RAB28: variants seen among roughly 807,000 people sequenced by gnomAD.
The protein encoded by RAB28 is RAB28, member RAS oncogene family.
RAB28 carries 24 observed loss-of-function variants against 31.7 expected under a neutral mutation model. That is an observed-to-expected ratio of 0.76 (90% CI 0.55 to 1.06). RAB28 has a LOEUF of 1.06. Ranked by LOEUF, RAB28 falls within the 50% of genes least tolerant of loss-of-function variation. RAB28 has a pLI of 0.00. For synonymous variants in RAB28, 100 were observed against 90.4 expected (o/e 1.11, Z -0.60); for missense variants, 254 against 258.5 (o/e 0.98, Z 0.12).
At chr4:13,410,114 G>T (rs955855254) in intron 4 of RAB28, among the ~76,000 whole-genome samples, 2 of 152,104 alleles carry the variant, frequency 1.3e-5, no homozygotes, top group African/African-American at 4.8e-5. Context: ...ATGATTTTAA[G>T]TTCCCTGAGA....
intron 4 of RAB28, among the ~76,000 whole-genome samples, chr4:13,400,000 T>C (rs768798945): frequency 2.2e-4 from 33 of 152,356 alleles, no homozygotes; most frequent in Non-Finnish European, 4.0e-4. Flanking sequence ...TGTAAAGTTG[T>C]GCCATTAACA....
At chr4:13,406,163 C>T (rs761886417) in intron 4 of RAB28, among the ~76,000 whole-genome samples, 4 of 152,104 alleles carry the variant, frequency 2.6e-5, no homozygotes, top group East Asian at 1.9e-4. Flanking sequence ...CCCCCCACCC[C>T]GCTACAGGCC....
At chr4:13,457,279 C>T (rs1715347659) in intron 4 of RAB28, among the ~76,000 whole-genome samples, 1 of 151,908 alleles carries the variant, frequency 6.6e-6, no homozygotes, top group African/African-American at 2.4e-5. Context: ...TAATTATATC[C>T]CTCCCAAAAG....
chr4:13,406,176 G>A lies in RAB28; in HGVS notation c.392-24582C>T, dbSNP rs556873049. Among the ~76,000 whole-genome samples, 76 of 152,042 alleles carry A rather than the reference G, an allele frequency of 5.0e-4. 1 individual carries two copies. The South Asian group carries it at 0.011, about 23-fold the overall frequency. ...AGCCCCCCACCCCGCTACAGGCCCC[G>A]GTGTGTGATGTTCCCCTCCCTGTGT... is the stretch of plus-strand genomic sequence containing the variant. On this transcript the variant is annotated intron_variant, in intron 4 of 6. Coordinates refer to ENST00000330852, the MANE Select transcript of RAB28 (RefSeq NM_001017979.3).
chr4:13,379,969 A>T (rs1729062876), intron 5 of RAB28, among the ~76,000 whole-genome samples: 1 of 152,148 alleles, frequency 6.6e-6, no homozygotes, highest in Non-Finnish European at 1.5e-5. Context: ...AGCAAACAAA[A>T]AACACTAAGT....
rs1011281100 is a variant in RAB28, at chr4:13,459,991, C to T, written c.391+708G>A. The T allele has an allele frequency of 3.7e-5, 38 of 1,029,730 alleles. 1 individual carries two copies. The Admixed American group carries it at 6.5e-4, about 18-fold the overall frequency. 63.8% of individuals were successfully genotyped at this position (1,029,730 alleles called of 1,614,324 possible). A position where few individuals can be genotyped will look rare whatever the true frequency, so the allele number is the denominator to read the frequency against. ...CCTTCACAGGAATTGACCAAAGCAGCGGAGCAGTTATAATAGACCACGCAT... is the reference window on the plus strand; with the variant it reads ...CCTTCACAGGAATTGACCAAAGCAGTGGAGCAGTTATAATAGACCACGCAT... On this transcript the variant is annotated intron_variant, in intron 4 of 6. Coordinates refer to ENST00000330852, the MANE Select transcript of RAB28 (RefSeq NM_001017979.3).
At chr4:13,381,418 TG>T in intron 5 of RAB28, 72 bp downstream of exon 5, 1 of 1,070,638 alleles carries the variant, frequency 9.3e-7, no homozygotes, top group Non-Finnish European at 1.4e-6. Context: ...AGTTAAATAG[TG>T]GAAGTATACT....
chr4:13,429,102 G>C (rs1407391369), intron 4 of RAB28, among the ~76,000 whole-genome samples: 1 of 151,868 alleles, frequency 6.6e-6, no homozygotes, highest in Admixed American at 6.6e-5. Flanking sequence ...CTGCCACTAC[G>C]CCTAGCTAAT....
chr4:13,390,467 T>C (rs1729576823), intron 4 of RAB28, among the ~76,000 whole-genome samples: 2 of 151,920 alleles, frequency 1.3e-5, no homozygotes, highest in Admixed American at 6.6e-5. Context: ...GAAGAATCAA[T>C]ATCATGAAAA....
At chr4:13,483,444 T>C (rs1351624717) in intron 1 of RAB28, among the ~76,000 whole-genome samples, 2 of 152,224 alleles carry the variant, frequency 1.3e-5, no homozygotes, top group South Asian at 2.1e-4. Flanking sequence ...AGGTATGATA[T>C]TAAAATAGCA....
intron 4 of RAB28, among the ~76,000 whole-genome samples, chr4:13,414,669 A>C (rs931586732): frequency 6.6e-6 from 1 of 152,216 alleles, no homozygotes; most frequent in Non-Finnish European, 1.5e-5. Context: ...GACCAATCTC[A>C]TTTAAAAGCA....
chr4:13,372,869 G>A (rs1428804604), intron 6 of RAB28, among the ~76,000 whole-genome samples: 1 of 152,004 alleles, frequency 6.6e-6, no homozygotes, highest in Non-Finnish European at 1.5e-5. Flanking sequence ...TCTATTACAT[G>A]CCAAGCCTTA....
intron 3 of RAB28, among the ~76,000 whole-genome samples, chr4:13,469,570 T>C (rs1716023225): frequency 6.6e-6 from 1 of 152,076 alleles, no homozygotes; most frequent in Admixed American, 6.6e-5. Context: ...TTCAAGATTT[T>C]TAGTAAGTAT....
chr4:13,398,784 A>C (rs926599271), intron 4 of RAB28, among the ~76,000 whole-genome samples: 6 of 152,038 alleles, frequency 3.9e-5, no homozygotes, highest in Non-Finnish European at 7.4e-5. Context: ...TTTCAAAAAA[A>C]AAAAAAAAAG....
rs138620685 is a variant in RAB28, at chr4:13,459,445, T to C, written c.391+1254A>G. Among the ~76,000 whole-genome samples the C allele has an allele frequency of 5.3e-3, 804 of 152,318 alleles. 6 individuals are homozygous for C. Among genetic ancestry groups the C allele is most frequent in the African/African-American group, 0.018 (765 of 41,574 alleles). ...TTCACACAATGAAACTGCCTAACAATACACTTCTTAGAACATATCCTGTTG... is the reference window on the plus strand; with the variant it reads ...TTCACACAATGAAACTGCCTAACAACACACTTCTTAGAACATATCCTGTTG... On this transcript the variant is annotated intron_variant, in intron 4 of 6. Coordinates refer to ENST00000330852, the MANE Select transcript of RAB28 (RefSeq NM_001017979.3).
intron 4 of RAB28, among the ~76,000 whole-genome samples, chr4:13,424,808 C>T (rs61798408): frequency 0.01 from 1,582 of 152,302 alleles, 16 homozygotes; most frequent in Non-Finnish European, 0.017. Context: ...AATGACATCA[C>T]TCCAGCAATT....
chr4:13,420,976 C>A lies in RAB28; in HGVS notation c.392-39382G>T, dbSNP rs181003947. ...GAGGAGGTCAAATTGTTCCTGTTTG[C>A]AGATGACATGATTGTATATTTAGAA... On this transcript the variant is annotated intron_variant, in intron 4 of 6. Transcript: ENST00000330852. 6.1e-3 allele frequency among the ~76,000 whole-genome samples: 934 copies of A among 152,276 alleles called. 11 individuals are homozygous for A. The highest frequency in any genetic ancestry group is 0.021 in the African/African-American group (888 of 41,548).
chr4:13,478,897 G>T (rs1716484584), intron 2 of RAB28, among the ~76,000 whole-genome samples: 1 of 151,584 alleles, frequency 6.6e-6, no homozygotes. Flanking sequence ...GTATTTTTAT[G>T]AGTGCCTAGG....
At chr4:13,463,111 C>T (rs55838810) in intron 3 of RAB28, among the ~76,000 whole-genome samples, 8,520 of 152,200 alleles carry the variant, frequency 0.056, 545 homozygotes, top group African/African-American at 0.16. Context: ...GTAGATTTTT[C>T]TTGTTATCAT....
Sources: gnomAD v4.1 joint callset for allele counts (sites outside exome capture counted in the v4.1 genomes callset) on GRCh38, gnomAD v4.1.1 for gene constraint, MANE v1.5 for transcripts, NCBI Gene and HGNC (gene_info 2026-07-23, HGNC 2026-07-21) for gene names.